The following ASB2 variants were observed in gnomAD, a reference collection of about 807,000 sequenced individuals.
ASB2 encodes the protein ankyrin repeat and SOCS box protein 2.
In ASB2, 58 loss-of-function variants were observed where a neutral mutation model predicts 62.4. The ratio of observed to expected loss-of-function variants is 0.93; its 90% CI spans 0.75 to 1.16. The LOEUF (loss-of-function observed/expected upper bound fraction) is 1.16, where lower values mean the gene tolerates loss of function less well. Ranked by LOEUF, ASB2 falls within the 50% of genes most tolerant of loss-of-function variation. The pLI is 0.00. For missense variants in ASB2, 928 were observed against 887.9 expected (o/e 1.05, Z -0.57); for synonymous variants, 386 against 385.3 (o/e 1.00, Z -0.02).
intron 2 of ASB2, among the ~76,000 whole-genome samples, chr14:93,961,260 A>T (rs1042277390): frequency 3.3e-5 from 5 of 152,234 alleles, no homozygotes; most frequent in African/African-American, 1.2e-4. Flanking sequence ...AGATGAGGCC[A>T]CTGGGGCTCA....
chr14:93,951,804 T>A (rs753360782), intron 5 of ASB2, among the ~76,000 whole-genome samples: 1 of 152,236 alleles, frequency 6.6e-6, no homozygotes, highest in Admixed American at 6.5e-5. Context: ...CCTGCTGAAC[T>A]TCCCCCTGCT....
intron 7 of ASB2, chr14:93,941,825 T>G: frequency 2.5e-6 from 1 of 394,080 alleles, no homozygotes; most frequent in Non-Finnish European, 5.1e-6. Flanking sequence ...TTGTCTCAGT[T>G]ATGTGGTGAA....
intron 1 of ASB2, among the ~76,000 whole-genome samples, chr14:93,966,682 A>G (rs777032645): frequency 2.0e-5 from 3 of 152,228 alleles, no homozygotes; most frequent in Admixed American, 1.3e-4. Context: ...GGTTTAGCCA[A>G]TGTTAGTTGG....
chr14:93,967,875 G>T (rs1178442418), intron 1 of ASB2, among the ~76,000 whole-genome samples: 2 of 151,862 alleles, frequency 1.3e-5, no homozygotes, highest in Admixed American at 6.6e-5. Context: ...CAACTTACTA[G>T]CTATATGACC....
intron 2 of ASB2, among the ~76,000 whole-genome samples, chr14:93,963,937 C>T (rs1889492878): frequency 6.6e-6 from 1 of 152,174 alleles, no homozygotes; most frequent in Admixed American, 6.5e-5. Flanking sequence ...GCTGGGCAGA[C>T]ATCCCTTGCT....
At chr14:93,960,404 G>A (rs1026238884) in intron 2 of ASB2, among the ~76,000 whole-genome samples, 2 of 152,200 alleles carry the variant, frequency 1.3e-5, no homozygotes, top group African/African-American at 4.8e-5. Context: ...GTAAGTGTGG[G>A]TGGCTTGATT....
At chr14:93,939,861 G>A (rs1888452216) in intron 7 of ASB2, 189 bp from the exon 8 acceptor site, 4 of 472,138 alleles carry the variant, frequency 8.5e-6, no homozygotes, top group Admixed American at 4.4e-5. Context: ...AGGGTGGGTC[G>A]GCTGCCGTCT....
chr14:93,964,923 C>A (rs1213994658), intron 1 of ASB2, among the ~76,000 whole-genome samples: 1 of 152,046 alleles, frequency 6.6e-6, no homozygotes, highest in African/African-American at 2.4e-5. Flanking sequence ...TTCAACTATC[C>A]AACTACCCAC....
At chr14:93,970,217 G>A (rs1889722151) in intron 1 of ASB2, among the ~76,000 whole-genome samples, 1 of 152,214 alleles carries the variant, frequency 6.6e-6, no homozygotes, top group Non-Finnish European at 1.5e-5. Context: ...AGGAGACACA[G>A]CTGGGAAGGC....
At chr14:93,935,432 T>TCATC (rs1888239947) in intron 9 of ASB2, among the ~76,000 whole-genome samples, 1 of 151,878 alleles carries the variant, frequency 6.6e-6, no homozygotes, top group African/African-American at 2.4e-5. Context: ...TGTCATTCAT[T>TCATC]CATTCATTCA....
intron 1 of ASB2, among the ~76,000 whole-genome samples, chr14:93,975,359 C>T (rs549447262): frequency 2.6e-5 from 4 of 152,284 alleles, no homozygotes; most frequent in South Asian, 4.1e-4. Context: ...GAAGAGCCAC[C>T]GAAGCCAAAT....
At chr14:93,964,311 C>T (rs1889509339) in intron 2 of ASB2, 23 bp downstream of exon 2, 3 of 1,534,798 alleles carry the variant, frequency 2.0e-6, no homozygotes, top group East Asian at 2.4e-5. Context: ...CCCCACTTCC[C>T]TCATCAGCCT....
intron 8 of ASB2, among the ~76,000 whole-genome samples, chr14:93,938,883 T>C (rs1567018734): frequency 2.0e-5 from 3 of 152,144 alleles, no homozygotes; most frequent in Non-Finnish European, 4.4e-5. Flanking sequence ...CAAAGCTCCC[T>C]CCAAAGCGCC....
chr14:93,969,416 T>C (rs979206753), intron 1 of ASB2, among the ~76,000 whole-genome samples: 1 of 152,202 alleles, frequency 6.6e-6, no homozygotes, highest in Non-Finnish European at 1.5e-5. Flanking sequence ...AGTTTCTCCA[T>C]CTGTAAAATG....
intron 1 of ASB2, among the ~76,000 whole-genome samples, chr14:93,964,849 A>G (rs961101583): frequency 3.3e-5 from 5 of 151,714 alleles, no homozygotes; most frequent in African/African-American, 1.2e-4. Flanking sequence ...CCTCCCATAC[A>G]TCCATCTACC....
At chr14:93,953,609 C>T in intron 4 of ASB2, 102 bp from the exon 5 acceptor site, 1 of 1,051,106 alleles carries the variant, frequency 9.5e-7, no homozygotes, top group Non-Finnish European at 1.3e-6. Context: ...CAATGTATGA[C>T]ATCCTCTGAA....
At chr14:93,949,226 T>C (rs941482) in intron 6 of ASB2, among the ~76,000 whole-genome samples, 124,914 of 152,228 alleles carry the variant, frequency 0.82, 51,539 homozygotes, top group Middle Eastern at 0.94. Flanking sequence ...AGCATGTTGC[T>C]GATCTCAGGC....
At chr14:93,974,743 A>G (rs1040244344) in intron 1 of ASB2, among the ~76,000 whole-genome samples, 3 of 152,208 alleles carry the variant, frequency 2.0e-5, no homozygotes, top group Non-Finnish European at 4.4e-5. Context: ...CTGTTTCCAG[A>G]CCTGAAAATG....
intron 2 of ASB2, among the ~76,000 whole-genome samples, chr14:93,959,872 AG>A (rs1321573245): frequency 1.3e-5 from 2 of 152,000 alleles, no homozygotes; most frequent in African/African-American, 4.8e-5. Context: ...GGCTGAATGC[AG>A]GGGGCAGGTA....
Sources: allele counts gnomAD v4.1 joint callset (sites outside exome capture counted in the v4.1 genomes callset), GRCh38; gene constraint gnomAD v4.1.1; transcripts MANE v1.5; gene names NCBI Gene and HGNC (gene_info 2026-07-23, HGNC 2026-07-21).